CADPS2: variants seen among roughly 807,000 people sequenced by gnomAD.
CADPS2 encodes calcium dependent secretion activator 2.
A neutral mutation model predicts 172.5 loss-of-function variants in CADPS2; 93 were observed. The observed-to-expected ratio is 0.54, with a 90% CI of 0.46 to 0.64. The LOEUF is 0.64. Ranked by LOEUF, CADPS2 falls within the 30% of genes least tolerant of loss-of-function variation. CADPS2 has a pLI of 0.00. For synonymous variants in CADPS2, 546 were observed against 555.2 expected (o/e 0.98, Z 0.23); for missense variants, 1,420 against 1,565.9 (o/e 0.91, Z 1.57).
At chr7:122,778,335 AT>A (rs2093947282) in intron 1 of CADPS2, among the ~76,000 whole-genome samples, 1 of 152,204 alleles carries the variant, frequency 6.6e-6, no homozygotes, top group African/African-American at 2.4e-5. Context: ...GAAGCAGAAC[AT>A]AAAAGTTTGG....
intron 24 of CADPS2, among the ~76,000 whole-genome samples, chr7:122,381,765 G>C (rs908170111): frequency 1.3e-5 from 2 of 152,106 alleles, no homozygotes; most frequent in East Asian, 1.9e-4. Flanking sequence ...GATGGGGAGG[G>C]AGGGAGAGAA....
At chr7:122,611,120 A>C (rs1203623868) in intron 6 of CADPS2, among the ~76,000 whole-genome samples, 1 of 152,156 alleles carries the variant, frequency 6.6e-6, no homozygotes, top group Admixed American at 6.6e-5. Context: ...AAAAAGAAAG[A>C]TCTCAAATCA....
At chr7:122,839,993 C>G (rs573961382) in intron 1 of CADPS2, among the ~76,000 whole-genome samples, 1 of 152,094 alleles carries the variant, frequency 6.6e-6, no homozygotes, top group Admixed American at 6.5e-5. Flanking sequence ...ATGTTTATTG[C>G]GGCACTATTC....
intron 9 of CADPS2, among the ~76,000 whole-genome samples, chr7:122,501,874 C>CAAAA (rs1173009562): frequency 7.1e-5 from 3 of 42,182 alleles, no homozygotes; most frequent in African/African-American, 8.6e-5. Flanking sequence ...GACTCCGTCT[C>CAAAA]AAAAAAAAAA....
In CADPS2 at chr7:122,762,630, T is replaced by C. The variant is rs779268419; in HGVS notation, c.340-25562A>G. Among the ~76,000 whole-genome samples, 7 of 152,100 alleles carry C rather than the reference T, an allele frequency of 4.6e-5. No homozygotes were observed. In the South Asian group the frequency reaches 1.2e-3, roughly 27 times the overall value. On this transcript the variant is annotated intron_variant, in intron 1 of 29. Transcript: ENST00000449022. ...AAATCAAGAATTTAAAAAGTATTTC[T>C]CCCATGCACCTCTCTCAAGAAAGAG... is the stretch of plus-strand genomic sequence containing the variant.
At chr7:122,693,575 A>G (rs1184540277) in intron 2 of CADPS2, among the ~76,000 whole-genome samples, 1 of 152,216 alleles carries the variant, frequency 6.6e-6, no homozygotes, top group Admixed American at 6.5e-5. Context: ...TCATGAATGC[A>G]TCCTGAACAC....
intron 2 of CADPS2, among the ~76,000 whole-genome samples, chr7:122,734,394 A>C (rs2091983654): frequency 7.2e-6 from 1 of 139,550 alleles, no homozygotes; most frequent in South Asian, 2.2e-4. Context: ...AAAGAAAAAA[A>C]AAAAAGAAAA....
chr7:122,490,774 A>C (rs921534002), intron 10 of CADPS2, among the ~76,000 whole-genome samples: 1 of 152,114 alleles, frequency 6.6e-6, no homozygotes, highest in Non-Finnish European at 1.5e-5. Flanking sequence ...CTATTTCTTA[A>C]TCTCTATTCA....
intron 3 of CADPS2, among the ~76,000 whole-genome samples, chr7:122,631,262 T>G (rs1288397768): frequency 2.0e-5 from 3 of 152,192 alleles, no homozygotes; most frequent in Non-Finnish European, 4.4e-5. Flanking sequence ...TTCTCACAGC[T>G]TCAACAAAAA....
intron 27 of CADPS2, among the ~76,000 whole-genome samples, chr7:122,358,506 T>C (rs1342101568): frequency 6.6e-6 from 1 of 152,118 alleles, no homozygotes. Flanking sequence ...TATGTGGGGT[T>C]GTATCTAAAA....
intron 19 of CADPS2, among the ~76,000 whole-genome samples, chr7:122,410,357 A>G (rs1194549371): frequency 2.6e-5 from 4 of 152,206 alleles, no homozygotes; most frequent in Middle Eastern, 3.4e-3. Flanking sequence ...AAAAACAAAA[A>G]ACAAAAACAA....
intron 19 of CADPS2, 47 bp downstream of exon 19, chr7:122,414,021 A>C (rs1394437243): frequency 6.7e-7 from 1 of 1,493,950 alleles, no homozygotes; most frequent in African/African-American, 1.4e-5. Context: ...AATTCACATA[A>C]AAGAGGTATC....
chr7:122,491,694 A>G (rs187074032), intron 9 of CADPS2, among the ~76,000 whole-genome samples: 17 of 152,264 alleles, frequency 1.1e-4, no homozygotes, highest in Admixed American at 7.8e-4. Flanking sequence ...AGCACCATAA[A>G]TAAGTATTCA....
rs182594591 is a variant in CADPS2, at chr7:122,486,536, C to A, written c.1852+3545G>T. On this transcript the variant is annotated intron_variant, in intron 11 of 29. Coordinates refer to ENST00000449022, the MANE Select transcript of CADPS2 (RefSeq NM_017954.11). ...AACTTGAACAGATAAGAAGTTGGTT[C>A]CTTTGGGTGAAGCAAAGAAAGTGAT... Among the ~76,000 whole-genome samples, 101 of 152,256 alleles carry A rather than the reference C, an allele frequency of 6.6e-4. No homozygotes were observed. The East Asian group carries it at 0.014, about 21-fold the overall frequency.
At chr7:122,629,223 C>T (rs761973295) in intron 4 of CADPS2, 25 bp downstream of exon 4, 199 of 1,563,522 alleles carry the variant, frequency 1.3e-4, no homozygotes, top group Non-Finnish European at 1.6e-4. Context: ...GAATGTCATA[C>T]AGTATGTCCA....
chr7:122,334,339 C>A (rs10271420), intron 28 of CADPS2, among the ~76,000 whole-genome samples: 3,058 of 152,314 alleles, frequency 0.02, 98 homozygotes, highest in African/African-American at 0.07. Flanking sequence ...GGTACCCACT[C>A]TGAGGCCATG....
chr7:122,749,436 T>C (rs2092855577), intron 1 of CADPS2, among the ~76,000 whole-genome samples: 1 of 152,262 alleles, frequency 6.6e-6, no homozygotes, highest in Admixed American at 6.6e-5. Flanking sequence ...AGACCTGAAC[T>C]AGCAAACTGT....
chr7:122,467,859 ATGGCTGAATGAG>A, intron 14 of CADPS2, among the ~76,000 whole-genome samples: 1 of 152,110 alleles, frequency 6.6e-6, no homozygotes, highest in Non-Finnish European at 1.5e-5. Context: ...CAGCGGCACT[ATGGCTGAATGAG>A]TGGTTGTGTT....
At chr7:122,675,953 C>T (rs147711450) in intron 2 of CADPS2, among the ~76,000 whole-genome samples, 3 of 152,040 alleles carry the variant, frequency 2.0e-5, no homozygotes, top group Non-Finnish European at 2.9e-5. Flanking sequence ...CAAACCTGCA[C>T]GTTCTGTACA....
Sources: allele counts gnomAD v4.1 joint callset (sites outside exome capture counted in the v4.1 genomes callset), GRCh38; gene constraint gnomAD v4.1.1; transcripts MANE v1.5; gene names NCBI Gene and HGNC (gene_info 2026-07-23, HGNC 2026-07-21).